IFT88: variants seen among roughly 807,000 people sequenced by gnomAD.
The protein encoded by IFT88 is intraflagellar transport protein 88 homolog.
A neutral mutation model predicts 119.5 loss-of-function variants in IFT88; 74 were observed. That is an observed-to-expected ratio of 0.62 (90% CI 0.51 to 0.75). The LOEUF is 0.75. IFT88 is among the 30% of genes least tolerant of loss of function. The pLI is 0.00. For synonymous variants in IFT88, 279 were observed against 316.7 expected (o/e 0.88, Z 1.26); for missense variants, 961 against 977.7 (o/e 0.98, Z 0.23).
At position 20,645,191 on chromosome 13, in the gene IFT88, G is replaced by A. The variant is rs553161730; in HGVS notation, c.1949+233G>A. Among the ~76,000 whole-genome samples the A allele has an allele frequency of 1.3e-3, 202 of 152,244 alleles. 1 individual carries two copies. The highest frequency in any genetic ancestry group is 0.01 in the Middle Eastern group (3 of 294). On this transcript the variant is annotated intron_variant, in intron 20 of 25. Transcript: ENST00000351808. Reference sequence around the variant, plus strand: ...TGCAACCTCCGCCTCCCAGGTTCAAGCGATTCTCCTGCCTCAGCCTCCCGA... The same window carrying A: ...TGCAACCTCCGCCTCCCAGGTTCAAACGATTCTCCTGCCTCAGCCTCCCGA...
chr13:20,599,858 A>T (rs902775654), intron 11 of IFT88, among the ~76,000 whole-genome samples: 1 of 152,228 alleles, frequency 6.6e-6, no homozygotes, highest in East Asian at 1.9e-4. Context: ...ACACAAAATC[A>T]TAATAGCAGT....
At chr13:20,626,162 A>C (rs1177266563) in intron 15 of IFT88, among the ~76,000 whole-genome samples, 1 of 134,730 alleles carries the variant, frequency 7.4e-6, no homozygotes, top group African/African-American at 2.8e-5. Flanking sequence ...CCGGGTTCAC[A>C]CCATTCTTCT....
chr13:20,569,751 G>A (rs1192207264), intron 1 of IFT88, among the ~76,000 whole-genome samples: 2 of 149,478 alleles, frequency 1.3e-5, no homozygotes, highest in Admixed American at 6.7e-5. Context: ...TGAGCTGGCC[G>A]GGCGCGGTGG....
chr13:20,625,046 A>G (rs2047093538), intron 14 of IFT88, among the ~76,000 whole-genome samples: 1 of 150,778 alleles, frequency 6.6e-6, no homozygotes, highest in Admixed American at 6.6e-5. Flanking sequence ...TCCCAGTCCC[A>G]CCACCCCCTA....
intron 14 of IFT88, among the ~76,000 whole-genome samples, chr13:20,623,744 G>T (rs2046890417): frequency 6.6e-6 from 1 of 152,048 alleles, no homozygotes; most frequent in Non-Finnish European, 1.5e-5. Context: ...CAAAGTGCTG[G>T]GATTACAGGC....
intron 7 of IFT88, among the ~76,000 whole-genome samples, chr13:20,592,762 A>G (rs545938085): frequency 5.8e-4 from 86 of 147,404 alleles, no homozygotes; most frequent in African/African-American, 2.2e-3. Flanking sequence ...GAGCCACCAC[A>G]CCAGCTCACA....
intron 17 of IFT88, among the ~76,000 whole-genome samples, chr13:20,639,302 A>T (rs1289845020): frequency 2.6e-5 from 4 of 152,178 alleles, no homozygotes; most frequent in African/African-American, 9.6e-5. Context: ...GTTTGTGGCT[A>T]AAAACTGAGT....
chr13:20,679,524 C>T (rs933328189), intron 24 of IFT88, among the ~76,000 whole-genome samples: 5 of 152,176 alleles, frequency 3.3e-5, no homozygotes, highest in African/African-American at 1.2e-4. Flanking sequence ...GGTATCCATA[C>T]GCCTTCTCGG....
chr13:20,640,175 A>G (rs996547917), intron 17 of IFT88, among the ~76,000 whole-genome samples: 3 of 152,122 alleles, frequency 2.0e-5, no homozygotes, highest in Admixed American at 1.3e-4. Flanking sequence ...AAGATTATAA[A>G]TCATTTTTCT....
chr13:20,654,857 T>TAC (rs1419218148), intron 21 of IFT88, among the ~76,000 whole-genome samples: 1 of 152,168 alleles, frequency 6.6e-6, no homozygotes, highest in Non-Finnish European at 1.5e-5. Context: ...AGTATATATA[T>TAC]ACATATGAAC....
At chr13:20,583,671 T>G (rs993118275) in intron 3 of IFT88, among the ~76,000 whole-genome samples, 1 of 152,226 alleles carries the variant, frequency 6.6e-6, no homozygotes, top group Non-Finnish European at 1.5e-5. Context: ...TTGCTTGTGC[T>G]TTTGGTGTCA....
Position 20,659,150 on chromosome 13 carries a change from G to A in IFT88, c.2068+2720G>A, listed in dbSNP as rs528640327. Among the ~76,000 whole-genome samples, 3 of 152,274 alleles carry A rather than the reference G, an allele frequency of 2.0e-5. No individual in the cohort carries two copies. The East Asian group carries it at 5.8e-4, about 29-fold the overall frequency. On this transcript the variant is annotated intron_variant, in intron 22 of 25. Coordinates refer to ENST00000351808, the MANE Select transcript of IFT88 (RefSeq NM_006531.5). ...CCTGCTTTACAGAGTTACAGATGAT[G>A]TACTAAATTTCAGAGAACATCCACC...
rs549872471 is a variant in IFT88, at chr13:20,599,398, CAA to C, written c.698-51_698-50del. On this transcript the variant is annotated intron_variant, in intron 10 of 25. Coordinates refer to ENST00000351808, the MANE Select transcript of IFT88 (RefSeq NM_006531.5). ...ATGAATTAAAAGTCATCTAAAATAT[CAA>C]AGAGTGGAAAAATGAGAGTATTATA... The C allele has an allele frequency of 5.0e-4, 315 of 635,730 alleles. 1 individual carries two copies. Among genetic ancestry groups the C allele is most frequent in the Non-Finnish European group, 7.8e-4 (286 of 365,178 alleles). The allele number at this position is 635,730 out of a possible 1,614,324, so 39.4% of individuals were successfully genotyped here. A position where few individuals can be genotyped will look rare whatever the true frequency, so the allele number is the denominator to read the frequency against.
At position 20,601,816 on chromosome 13, in the gene IFT88, C is replaced by G. The variant is rs1484964568; in HGVS notation, c.924C>G (p.Gly308=). 1.2e-5 allele frequency: 19 copies of G among 1,612,948 alleles called. No homozygotes were observed. The highest frequency in any genetic ancestry group is 1.5e-5 in the Non-Finnish European group (18 of 1,179,128). ...IMSMAPNLKA[G]YNLTICYFAI... is the part of the protein sequence containing the mutation. ...GCATGGCACCAAATCTGAAGGCAGG[C>G]TACAACCTAACTATCTGTTATTTTG... Residue 308 remains glycine, a synonymous_variant, in exon 12 of 26, where the codon GGC becomes GGG. Coordinates refer to ENST00000351808, the MANE Select transcript of IFT88 (RefSeq NM_006531.5).
chr13:20,593,318 A>G (rs1302573430), intron 7 of IFT88, among the ~76,000 whole-genome samples: 1 of 152,122 alleles, frequency 6.6e-6, no homozygotes, highest in African/African-American at 2.4e-5. Context: ...TACTTTCCCT[A>G]TGAAAACAGA....
intron 13 of IFT88, among the ~76,000 whole-genome samples, chr13:20,610,482 A>T (rs2044291579): frequency 6.6e-6 from 1 of 152,064 alleles, no homozygotes; most frequent in Non-Finnish European, 1.5e-5. Context: ...ATATTACAGG[A>T]GTTGTCTATA....
At chr13:20,658,742 G>C (rs1471089384) in intron 22 of IFT88, among the ~76,000 whole-genome samples, 1 of 152,312 alleles carries the variant, frequency 6.6e-6, no homozygotes, top group East Asian at 1.9e-4. Context: ...CTCACCCCTA[G>C]ATATGAAAAC....
chr13:20,601,557 A>G, intron 11 of IFT88, 148 bp from the exon 12 acceptor site: 1 of 559,196 alleles, frequency 1.8e-6, no homozygotes, highest in South Asian at 2.8e-5. Context: ...ATTTTATGGT[A>G]TTTATATAAA....
At chr13:20,589,888 A>G (rs754783871) in intron 4 of IFT88, 21 bp downstream of exon 4, 7 of 1,470,834 alleles carry the variant, frequency 4.8e-6, no homozygotes, top group Non-Finnish European at 6.6e-6. Context: ...GTAAGCTGAA[A>G]ATATTAAGAT....
Sources: gnomAD v4.1 joint callset for allele counts (sites outside exome capture counted in the v4.1 genomes callset) on GRCh38, gnomAD v4.1.1 for gene constraint, MANE v1.5 for transcripts, NCBI Gene and HGNC (gene_info 2026-07-23, HGNC 2026-07-21) for gene names.